LRP1B: variants seen among roughly 807,000 people sequenced by gnomAD.
The protein encoded by LRP1B is LDL receptor related protein 1B.
LRP1B carries 217 observed loss-of-function variants against 556.6 expected under a neutral mutation model. The ratio of observed to expected loss-of-function variants is 0.39; its 90% CI spans 0.35 to 0.44. The LOEUF is 0.44. Among genes scored for constraint, LRP1B ranks in the 20% least tolerant of loss-of-function variants. The pLI is 1.00. For missense variants in LRP1B, 5,053 were observed against 5,620.8 expected (o/e 0.90, Z 3.23); for synonymous variants, 2,047 against 1,865.8 (o/e 1.10, Z -2.50).
chr2:141,877,312 G>A (rs1045137235), intron 1 of LRP1B, among the ~76,000 whole-genome samples: 11 of 151,948 alleles, frequency 7.2e-5, no homozygotes, highest in African/African-American at 2.7e-4. Context: ...CTAGTCACTG[G>A]GTGCAATTGT....
chr2:141,991,952 G>T (rs187787898), intron 1 of LRP1B, among the ~76,000 whole-genome samples: 5 of 152,142 alleles, frequency 3.3e-5, no homozygotes, highest in African/African-American at 1.2e-4. Context: ...TGGTATTCCT[G>T]TGGGACTGGC....
At chr2:141,112,986 A>G (rs1700792954) in intron 7 of LRP1B, among the ~76,000 whole-genome samples, 1 of 152,204 alleles carries the variant, frequency 6.6e-6, no homozygotes, top group African/African-American at 2.4e-5. Context: ...ACTTTTGAAA[A>G]GGCAAATTGA....
At chr2:141,754,865 G>T (rs1012508147) in intron 2 of LRP1B, among the ~76,000 whole-genome samples, 7 of 152,044 alleles carry the variant, frequency 4.6e-5, no homozygotes, top group Non-Finnish European at 1.5e-5. Flanking sequence ...ATTCTAGGAG[G>T]TGTTTGATTC....
At chr2:141,368,390 G>C (rs1018305154) in intron 3 of LRP1B, among the ~76,000 whole-genome samples, 1 of 152,182 alleles carries the variant, frequency 6.6e-6, no homozygotes, top group Non-Finnish European at 1.5e-5. Flanking sequence ...TTGCAGAAGA[G>C]GAGGATGCAT....
chr2:141,466,681 A>AT lies in LRP1B; in HGVS notation c.343+13714dup, dbSNP rs551146653. On this transcript the variant is annotated intron_variant, in intron 3 of 90. Transcript: ENST00000389484. Reference sequence around the variant, plus strand: ...TGTGATATTTAGGGCTGCAGTGGCCATTTTTTGGCCATTTTGCTACCTTGA... The same window carrying AT: ...TGTGATATTTAGGGCTGCAGTGGCCATTTTTTTGGCCATTTTGCTACCTTGA... 3.4e-4 allele frequency among the ~76,000 whole-genome samples: 51 copies of AT among 152,110 alleles called. No homozygotes were observed. In the South Asian group the frequency reaches 7.1e-3, roughly 21 times the overall value.
intron 7 of LRP1B, among the ~76,000 whole-genome samples, chr2:141,126,540 T>A (rs147391430): frequency 6.6e-6 from 1 of 152,170 alleles, no homozygotes; most frequent in African/African-American, 2.4e-5. Flanking sequence ...AGCCTGGAAC[T>A]TCATTGAAGT....
At chr2:141,354,070 A>G (rs1473563890) in intron 3 of LRP1B, among the ~76,000 whole-genome samples, 1 of 151,990 alleles carries the variant, frequency 6.6e-6, no homozygotes, top group Non-Finnish European at 1.5e-5. Flanking sequence ...AAAGTGGAGT[A>G]TGGGAGAAGA....
chr2:141,462,086 G>A (rs747119084), intron 3 of LRP1B, among the ~76,000 whole-genome samples: 1 of 152,108 alleles, frequency 6.6e-6, no homozygotes, highest in Non-Finnish European at 1.5e-5. Context: ...AATAAAGTTG[G>A]TATAAATCAA....
chr2:140,835,910 C>G (rs1373513367), intron 31 of LRP1B, among the ~76,000 whole-genome samples: 3 of 152,084 alleles, frequency 2.0e-5, no homozygotes, highest in Non-Finnish European at 4.4e-5. Flanking sequence ...AGTTGAATAC[C>G]TTTTTTGTCC....
intron 71 of LRP1B, among the ~76,000 whole-genome samples, chr2:140,366,804 G>A (rs1388851772): frequency 6.6e-6 from 1 of 151,674 alleles, no homozygotes; most frequent in Non-Finnish European, 1.5e-5. Flanking sequence ...CAGAAGTTTG[G>A]CCATAAAGGG....
At chr2:141,052,422 T>C (rs1436166019) in intron 10 of LRP1B, among the ~76,000 whole-genome samples, 1 of 151,842 alleles carries the variant, frequency 6.6e-6, no homozygotes, top group Non-Finnish European at 1.5e-5. Context: ...CTTCAAAAAC[T>C]TTCCTTTCAA....
intron 82 of LRP1B, 99 bp downstream of exon 82, chr2:140,321,864 A>AACACAGGCATTCAAGAACC: frequency 8.2e-7 from 1 of 1,223,686 alleles, no homozygotes. Context: ...AAGGTAGCTA[A>AACACAGGCATTCAAGAACC]ACTGATGATG....
intron 3 of LRP1B, among the ~76,000 whole-genome samples, chr2:141,398,196 G>A (rs1690313957): frequency 6.6e-6 from 1 of 151,908 alleles, no homozygotes; most frequent in East Asian, 1.9e-4. Flanking sequence ...CTTCTTAGAG[G>A]GATAAAAAGA....
intron 3 of LRP1B, among the ~76,000 whole-genome samples, chr2:141,400,092 T>C (rs1690394255): frequency 6.6e-6 from 1 of 152,066 alleles, no homozygotes; most frequent in African/African-American, 2.4e-5. Context: ...GTCAAATGAT[T>C]CTCCCACCTC....
chr2:141,146,489 C>T (rs1701787794), intron 7 of LRP1B, among the ~76,000 whole-genome samples: 1 of 152,118 alleles, frequency 6.6e-6, no homozygotes, highest in Admixed American at 6.6e-5. Context: ...TTTTTCAGTT[C>T]TCCACAAAAA....
chr2:140,723,565 T>C (rs1403022770), intron 35 of LRP1B, among the ~76,000 whole-genome samples: 3 of 149,378 alleles, frequency 2.0e-5, no homozygotes, highest in African/African-American at 4.9e-5. Flanking sequence ...GTTAGCATAA[T>C]TTAAAGGGGA....
rs1297190080 is a variant in LRP1B, at chr2:140,743,993, T to TAAAAA, written c.5758+25215_5758+25219dup. Among the ~76,000 whole-genome samples the TAAAAA allele has an allele frequency of 6.6e-3, 47 of 7,170 alleles. 12 individuals carry two copies. Among genetic ancestry groups the TAAAAA allele is most frequent in the Non-Finnish European group, 9.3e-3 (25 of 2,694 alleles). 4.7% of individuals were successfully genotyped at this position (7,170 alleles called of 152,430 possible). Reference sequence around the variant, plus strand: ...AAAAAAAAAAAAAAAAAAAAAAAAGTAAAAAGTAAAATCCATAGACATAGA... The same window carrying TAAAAA: ...AAAAAAAAAAAAAAAAAAAAAAAAGTAAAAAAAAAAGTAAAATCCATAGACATAGA... On this transcript the variant is annotated intron_variant, in intron 35 of 90. Transcript: ENST00000389484.
chr2:140,919,727 G>T (rs1380544908), intron 21 of LRP1B, among the ~76,000 whole-genome samples: 1 of 152,002 alleles, frequency 6.6e-6, no homozygotes. Flanking sequence ...TCATCAGGCA[G>T]TATCTCCTTT....
chr2:140,558,877 A>C (rs1443149095), intron 43 of LRP1B, among the ~76,000 whole-genome samples: 1 of 151,602 alleles, frequency 6.6e-6, no homozygotes, highest in Non-Finnish European at 1.5e-5. Flanking sequence ...TAGAGGCTGC[A>C]GTGAGTTGTA....
Sources: allele counts gnomAD v4.1 joint callset (sites outside exome capture counted in the v4.1 genomes callset), GRCh38; gene constraint gnomAD v4.1.1; transcripts MANE v1.5; gene names NCBI Gene and HGNC (gene_info 2026-07-23, HGNC 2026-07-21).